The following SMARCA5 variants were observed in gnomAD, a reference collection of about 807,000 sequenced individuals.
SMARCA5 encodes SNF2 related chromatin remodeling ATPase 5.
In SMARCA5, 18 loss-of-function variants were observed where a neutral mutation model predicts 140.4. That is an observed-to-expected ratio of 0.13 (90% CI 0.09 to 0.19). SMARCA5 has a LOEUF of 0.19. Ranked by LOEUF, SMARCA5 falls within the 10% of genes least tolerant of loss-of-function variation. SMARCA5 has a pLI of 1.00. For missense variants in SMARCA5, 606 were observed against 1,276.8 expected, an observed-to-expected ratio of 0.47 and a Z score of 8.01; for synonymous variants, 449 against 419.6, an observed-to-expected ratio of 1.07 and a Z score of -0.86.
chr4:143,517,421 GA>G lies in SMARCA5; in HGVS notation c.250del (p.Met84CysfsTer13). On this transcript the variant is annotated frameshift_variant, in exon 2 of 24. Transcript: ENST00000283131. LOFTEE classifies it high-confidence loss of function. ...CCAAGAACCAGATCCTACCTATGAA[GA>G]AAAAATGGTATGTTCTAGGCTTGTG... ...EIQEPDPTYE[E>X]KMQTDRANRF... The G allele has an allele frequency of 6.2e-7, 1 of 1,602,278 alleles. No individual in the cohort carries two copies. The highest frequency in any genetic ancestry group is 8.5e-7 in the Non-Finnish European group (1 of 1,174,030).
intron 1 of SMARCA5, among the ~76,000 whole-genome samples, chr4:143,516,767 G>T (rs984373615): frequency 1.3e-5 from 2 of 152,092 alleles, no homozygotes; most frequent in African/African-American, 4.8e-5. Flanking sequence ...TTGCAGTGTA[G>T]AAGTTGTTTT....
rs940130087 is a variant in SMARCA5, at chr4:143,540,599, A to C, written c.1903+104A>C. On this transcript the variant is annotated intron_variant, in intron 14 of 23. Transcript: ENST00000283131. Reference sequence around the variant, plus strand: ...CTTGTTACTAAGCATCCATTGAGTCAAGCTTGCAGCCAGTAGAGATGACTT... The same window carrying C: ...CTTGTTACTAAGCATCCATTGAGTCCAGCTTGCAGCCAGTAGAGATGACTT... 8 of 1,057,920 alleles carry C rather than the reference A, an allele frequency of 7.6e-6. No individual in the cohort carries two copies. The East Asian group carries it at 2.0e-4, about 26-fold the overall frequency. The allele number at this position is 1,057,920 out of a possible 1,614,324, so 65.5% of individuals were successfully genotyped here.
At position 143,555,114 on chromosome 4, in the gene SMARCA5, T is replaced by G. The variant is rs1276074438; in HGVS notation, c.*1930T>G. 4.5e-6 allele frequency: 3 copies of G among 673,778 alleles called. No individual in the cohort carries two copies. The highest frequency in any genetic ancestry group is 8.3e-6 in the Non-Finnish European group (3 of 362,802). The allele number at this position is 673,778 out of a possible 1,614,324, so 41.7% of individuals were successfully genotyped here. On this transcript the variant is annotated 3_prime_UTR_variant, in exon 24 of 24. Transcript: ENST00000283131. ...CTTCTGTCAGTGCCACAGCTACTAC[T>G]GCTACTGGAACTGCCTTAACCACTA...
intron 23 of SMARCA5, 63 bp from the exon 24 acceptor site, chr4:143,553,056 T>C (rs2149826386): frequency 1.6e-6 from 2 of 1,213,550 alleles, no homozygotes; most frequent in East Asian, 4.7e-5. Context: ...TTATAATGTG[T>C]CTGCAACTAT....
At position 143,540,431 on chromosome 4, in the gene SMARCA5, A is replaced by G. The variant is rs753672046; in HGVS notation, c.1839A>G (p.Val613=). 2 of 1,612,888 alleles carry G rather than the reference A, an allele frequency of 1.2e-6. No individual in the cohort carries two copies. The highest frequency in any genetic ancestry group is 4.5e-5 in the East Asian group (2 of 44,828). The stretch of plus-strand genomic sequence containing the variant: ...TCCGCTTTATAACTGATAACACTGT[A>G]GAAGAAAGAATAGTAGAACGTGCTG... ...RVFRFITDNT[V]EERIVERAEM... is the part of the protein sequence containing the mutation. Residue 613 remains valine, a synonymous_variant, in exon 14 of 24, where the codon GTA becomes GTG. Coordinates refer to ENST00000283131, the MANE Select transcript of SMARCA5 (RefSeq NM_003601.4).
chr4:143,521,513 A>G lies in SMARCA5; in HGVS notation c.337A>G (p.Thr113Ala). The G allele has an allele frequency of 1.2e-6, 2 of 1,613,532 alleles. 1 individual carries two copies. Residue 113 changes from threonine to alanine, a missense_variant, in exon 3 of 24, where the codon ACT becomes GCT. Physicochemically the swap from Thr to Ala is moderately conservative, Grantham distance 58 (BLOSUM62 0). Coordinates refer to ENST00000283131, the MANE Select transcript of SMARCA5 (RefSeq NM_003601.4). ...TTTCATTCAACCTGCTGCTCAGAAG[A>G]CTCCAACTTCACCTTTGAAGATGAA... is the stretch of plus-strand genomic sequence containing the variant. ...AHFIQPAAQK[T>A]PTSPLKMKPG...
Position 143,524,462 on chromosome 4 carries a change from C to A in SMARCA5, c.515C>A (p.Pro172Gln). 6.2e-7 allele frequency: 1 copy of A among 1,602,950 alleles called. No individual in the cohort carries two copies. The highest frequency in any genetic ancestry group is 8.5e-7 in the Non-Finnish European group (1 of 1,170,894). The change falls in exon 4 of 24, where the codon CCA (proline) becomes CAA (glutamine). Residue 172 changes from proline (P) to glutamine (Q), a missense_variant. By Grantham distance (76) the Pro-to-Gln change is moderately conservative. Transcript: ENST00000283131. Reference sequence around the variant, plus strand: ...GTTTGCACTCGATTTGAAGACTCTCCATCGTGTATGTTAAACACACTTGAT... The same window carrying A: ...GTTTGCACTCGATTTGAAGACTCTCAATCGTGTATGTTAAACACACTTGAT... ...TNVCTRFEDS[P>Q]SYVKWGKLRD...
At position 143,536,586 on chromosome 4, in the gene SMARCA5, C is replaced by T; in HGVS notation, c.1403C>T (p.Pro468Leu). 6.2e-7 allele frequency: 1 copy of T among 1,613,784 alleles called. No individual in the cohort carries two copies. Among genetic ancestry groups the T allele is most frequent in the Non-Finnish European group, 8.5e-7 (1 of 1,179,820 alleles). The change falls in exon 11 of 24, where the codon CCT becomes CTT. Residue 468 changes from proline to leucine, a missense_variant. Coordinates refer to ENST00000283131, the MANE Select transcript of SMARCA5 (RefSeq NM_003601.4). ...CCATATCTCTTTGATGGAGCAGAACCTGGTCCACCTTATACAACAGATATG... is the reference window on the plus strand; with the variant it reads ...CCATATCTCTTTGATGGAGCAGAACTTGGTCCACCTTATACAACAGATATG... Reference protein sequence around the residue: ...NHPYLFDGAEPGPPYTTDMHL... With the variant: ...NHPYLFDGAELGPPYTTDMHL...
At chr4:143,549,518 T>C (rs1172568340) in intron 22 of SMARCA5, among the ~76,000 whole-genome samples, 1 of 152,104 alleles carries the variant, frequency 6.6e-6, no homozygotes, top group East Asian at 1.9e-4. Context: ...CCATGGCTGG[T>C]TTTCCAAAAT....
chr4:143,519,510 T>TC (rs1166851097), intron 2 of SMARCA5, among the ~76,000 whole-genome samples: 1 of 152,180 alleles, frequency 6.6e-6, no homozygotes, highest in Non-Finnish European at 1.5e-5. Context: ...TCAGTGGCTC[T>TC]CTACAATGCT....
Position 143,513,936 on chromosome 4 carries a change from G to T in SMARCA5, c.12G>T (p.Ala4=). Residue 4 remains alanine (A), a synonymous_variant, in exon 1 of 24, where the codon GCG becomes GCT. Transcript: ENST00000283131. ...GCAGACGGAACATCATGTCGTCCGC[G>T]GCCGAGCCTCCGCCACCCCCGCCTC... MSS[A]AEPPPPPPPE... The T allele has an allele frequency of 6.5e-7, 1 of 1,545,472 alleles. No individual in the cohort carries two copies. The highest frequency in any genetic ancestry group is 1.2e-5 in the South Asian group (1 of 85,018).
At chr4:143,524,587 A>G (rs1737029946) in intron 4 of SMARCA5, 120 bp downstream of exon 4, 1 of 615,892 alleles carries the variant, frequency 1.6e-6, no homozygotes, top group South Asian at 2.1e-5. Flanking sequence ...TTAGATGTTT[A>G]TTGGTTATGA....
rs1737677513 is a variant in SMARCA5 at position 143,553,080 on chromosome 4, AT to A, written c.3094-37del. 4 of 1,463,704 alleles carry A rather than the reference AT, an allele frequency of 2.7e-6. No homozygotes were observed. The East Asian group carries it at 9.1e-5, about 33-fold the overall frequency. The allele number at this position is 1,463,704 out of a possible 1,614,324, so 90.7% of individuals were successfully genotyped here. On this transcript the variant is annotated intron_variant, in intron 23 of 23. Coordinates refer to ENST00000283131, the MANE Select transcript of SMARCA5 (RefSeq NM_003601.4). ...GTCTGCAACTATATTTCATGTTTATATTAGTCTTGTGAAAAGTAATCCTTCT... is the reference window on the plus strand; with the variant it reads ...GTCTGCAACTATATTTCATGTTTATATAGTCTTGTGAAAAGTAATCCTTCT...
chr4:143,524,693 C>T (rs1737031904), intron 4 of SMARCA5, among the ~76,000 whole-genome samples: 1 of 152,006 alleles, frequency 6.6e-6, no homozygotes, highest in Non-Finnish European at 1.5e-5. Flanking sequence ...TTGTTATTGC[C>T]CTGAAGTATA....
chr4:143,539,742 G>C (rs1238254558), intron 13 of SMARCA5, among the ~76,000 whole-genome samples: 1 of 151,976 alleles, frequency 6.6e-6, no homozygotes, highest in African/African-American at 2.4e-5. Flanking sequence ...CACCATGTTG[G>C]TCAGGCTGGT....
chr4:143,526,161 A>T, intron 5 of SMARCA5, 120 bp from the exon 6 acceptor site: 3 of 815,128 alleles, frequency 3.7e-6, no homozygotes, highest in Non-Finnish European at 3.9e-6. Context: ...AGTTTTTGCC[A>T]TTTATTAACT....
intron 6 of SMARCA5, among the ~76,000 whole-genome samples, chr4:143,526,971 G>A (rs1289649737): frequency 1.3e-5 from 2 of 152,084 alleles, no homozygotes; most frequent in Non-Finnish European, 2.9e-5. Context: ...CATTGGTTGT[G>A]CTCTCATTAG....
Position 143,520,539 on chromosome 4 carries a change from C to T in SMARCA5, c.253-890C>T, listed in dbSNP as rs1483768892. On this transcript the variant is annotated intron_variant, in intron 2 of 23. Transcript: ENST00000283131. ...AATGATTATGTTCCTTTTAAAAATA[C>T]GTAGTTGTTACAACATTATGGCATT... Among the ~76,000 whole-genome samples the T allele has an allele frequency of 3.3e-5, 5 of 152,134 alleles. No homozygotes were observed. In the South Asian group the frequency reaches 1.0e-3, roughly 32 times the overall value.
chr4:143,547,896 A>G, intron 21 of SMARCA5, 32 bp from the exon 22 acceptor site: 1 of 1,266,496 alleles, frequency 7.9e-7, no homozygotes, highest in Non-Finnish European at 1.1e-6. Flanking sequence ...TAGGATTTGT[A>G]TTTTATATAA....
Sources: allele counts gnomAD v4.1 joint callset (sites outside exome capture counted in the v4.1 genomes callset), GRCh38; gene constraint gnomAD v4.1.1; transcripts MANE v1.5; gene names NCBI Gene and HGNC (gene_info 2026-07-23, HGNC 2026-07-21).